SDK1: variants seen among roughly 807,000 people sequenced by gnomAD.
SDK1 encodes sidekick cell adhesion molecule 1, also known as protein sidekick-1.
A neutral mutation model predicts 245.5 loss-of-function variants in SDK1; 157 were observed. That is an observed-to-expected ratio of 0.64 (90% CI 0.56 to 0.73). The LOEUF is 0.73. Ranked by LOEUF, SDK1 falls within the 30% of genes least tolerant of loss-of-function variation. SDK1 has a pLI of 0.00. For synonymous variants in SDK1, 1,647 were observed against 1,278.5 expected, an observed-to-expected ratio of 1.29 and a Z score of -6.15; for missense variants, 3,583 against 3,002.3, an observed-to-expected ratio of 1.19 and a Z score of -4.52.
intron 5 of SDK1, among the ~76,000 whole-genome samples, chr7:3,880,739 G>A (rs988192432): frequency 3.3e-5 from 5 of 152,050 alleles, no homozygotes; most frequent in African/African-American, 1.2e-4. Flanking sequence ...TCACTTCACT[G>A]AAAGACAAAC....
chr7:3,303,905 G>C (rs575108575), intron 1 of SDK1, among the ~76,000 whole-genome samples: 1 of 152,258 alleles, frequency 6.6e-6, no homozygotes, highest in Non-Finnish European at 1.5e-5. Context: ...GCATTCTCTT[G>C]AATCTTATCA....
rs528789819 is a variant in SDK1, at chr7:3,848,994, C to T, written c.847+27411C>T. ...CTGGAGTTTTCTTTTCTAAATATGC[C>T]ACTTCTCTTCTTCCGGACCCCCTTG... is the stretch of plus-strand genomic sequence containing the variant. On this transcript the variant is annotated intron_variant, in intron 5 of 44. Transcript: ENST00000404826. 6.2e-4 allele frequency among the ~76,000 whole-genome samples: 94 copies of T among 152,260 alleles called. 1 individual carries two copies. The highest frequency in any genetic ancestry group is 2.2e-3 in the African/African-American group (91 of 41,570).
intron 14 of SDK1, among the ~76,000 whole-genome samples, chr7:3,996,943 TA>T (rs1164536248): frequency 6.6e-6 from 1 of 152,240 alleles, no homozygotes; most frequent in Non-Finnish European, 1.5e-5. Flanking sequence ...GATTGTTTTT[TA>T]TTGAGATATA....
At chr7:3,814,425 G>A (rs369077162) in intron 4 of SDK1, among the ~76,000 whole-genome samples, 1 of 150,690 alleles carries the variant, frequency 6.6e-6, no homozygotes, top group Non-Finnish European at 1.5e-5. Context: ...ATAGTTGTAG[G>A]TATGCGGCGT....
Position 4,046,053 on chromosome 7 carries a change from C to T in SDK1, c.2603-3295C>T, listed in dbSNP as rs574880468. Among the ~76,000 whole-genome samples, 7 of 151,978 alleles carry T rather than the reference C, an allele frequency of 4.6e-5. No homozygotes were observed. The South Asian group carries it at 8.3e-4, about 18-fold the overall frequency. On this transcript the variant is annotated intron_variant, in intron 17 of 44. Coordinates refer to ENST00000404826, the MANE Select transcript of SDK1 (RefSeq NM_152744.4). ...AAGGGATCCTCCTGCCTCAGCCTCC[C>T]GAGTAGCAGGGACTACAGGCATGCA... is the stretch of plus-strand genomic sequence containing the variant.
intron 4 of SDK1, among the ~76,000 whole-genome samples, chr7:3,765,042 A>C (rs549403071): frequency 6.6e-6 from 1 of 152,294 alleles, no homozygotes; most frequent in South Asian, 2.1e-4. Flanking sequence ...CATATATAAC[A>C]ACATAAAACA....
rs1170958207 is a variant in SDK1 at position 4,268,945 on chromosome 7, G to A, written c.*3561G>A. On this transcript the variant is annotated 3_prime_UTR_variant, in exon 45 of 45. Transcript: ENST00000404826. ...GAAAAAAAGAAACAACTTGTAGGAA[G>A]ACAGAGAGGTGCTATGGGTACAATT... 1 of 322,638 alleles carries A rather than the reference G, an allele frequency of 3.1e-6. No homozygotes were observed. The highest frequency in any genetic ancestry group is 6.2e-6 in the Non-Finnish European group (1 of 160,362). 20.0% of individuals were successfully genotyped at this position (322,638 alleles called of 1,614,324 possible).
At chr7:3,801,379 C>T (rs996171996) in intron 4 of SDK1, among the ~76,000 whole-genome samples, 4 of 152,108 alleles carry the variant, frequency 2.6e-5, no homozygotes, top group African/African-American at 7.2e-5. Context: ...GCATGAATTC[C>T]CTGTTTCATG....
chr7:3,302,732 A>G (rs980734072), intron 1 of SDK1, among the ~76,000 whole-genome samples: 10 of 152,112 alleles, frequency 6.6e-5, no homozygotes, highest in African/African-American at 2.2e-4. Flanking sequence ...AACTATTTTA[A>G]TACGTCCTTT....
chr7:3,432,131 A>ATG (rs1254817873), intron 1 of SDK1, among the ~76,000 whole-genome samples: 40 of 147,860 alleles, frequency 2.7e-4, no homozygotes, highest in African/African-American at 8.3e-4. Flanking sequence ...AAAAATATAT[A>ATG]TATGTATTTT....
intron 5 of SDK1, among the ~76,000 whole-genome samples, chr7:3,912,816 G>C (rs564466664): frequency 6.6e-6 from 1 of 152,306 alleles, no homozygotes; most frequent in East Asian, 1.9e-4. Flanking sequence ...AAGAAGACCC[G>C]ATTTCTTTAT....
At chr7:3,967,126 T>C (rs1424734494) in intron 9 of SDK1, among the ~76,000 whole-genome samples, 192 bp from the exon 10 acceptor site, 1 of 152,238 alleles carries the variant, frequency 6.6e-6, no homozygotes, top group Non-Finnish European at 1.5e-5. Context: ...CTCTCCAGGT[T>C]GTAAACAAAG....
intron 4 of SDK1, among the ~76,000 whole-genome samples, chr7:3,744,856 A>C (rs1397328331): frequency 6.6e-6 from 1 of 152,126 alleles, no homozygotes; most frequent in Non-Finnish European, 1.5e-5. Context: ...AAAGAAAAAC[A>C]ATTTAAAAAT....
intron 1 of SDK1, among the ~76,000 whole-genome samples, chr7:3,404,986 C>CA: frequency 6.6e-6 from 1 of 152,016 alleles, no homozygotes; most frequent in East Asian, 1.9e-4. Flanking sequence ...AGATTCTGAA[C>CA]AAAAACAAGT....
chr7:3,753,228 A>C (rs1202266656), intron 4 of SDK1, among the ~76,000 whole-genome samples: 2 of 152,230 alleles, frequency 1.3e-5, no homozygotes, highest in Non-Finnish European at 2.9e-5. Context: ...TGGAAATAAA[A>C]ATTATAAACC....
intron 4 of SDK1, among the ~76,000 whole-genome samples, chr7:3,645,080 C>A (rs934300006): frequency 6.6e-6 from 1 of 152,148 alleles, no homozygotes; most frequent in African/African-American, 2.4e-5. Context: ...TGTGTTCTCA[C>A]TATATGCATG....
At chr7:3,543,727 C>G (rs753186969) in intron 1 of SDK1, among the ~76,000 whole-genome samples, 2 of 152,176 alleles carry the variant, frequency 1.3e-5, no homozygotes, top group African/African-American at 2.4e-5. Context: ...ACCTGGACTT[C>G]ATGTTTACAG....
intron 1 of SDK1, among the ~76,000 whole-genome samples, chr7:3,303,899 T>G (rs1779347670): frequency 6.6e-6 from 1 of 152,182 alleles, no homozygotes; most frequent in African/African-American, 2.4e-5. Flanking sequence ...AGGAGTGCAT[T>G]CTCTTGAATC....
intron 4 of SDK1, among the ~76,000 whole-genome samples, chr7:3,789,492 G>C (rs923236629): frequency 6.6e-6 from 1 of 152,172 alleles, no homozygotes; most frequent in Non-Finnish European, 1.5e-5. Context: ...GTGTTCCTAA[G>C]CAACCCTTCT....
Sources: allele counts gnomAD v4.1 joint callset (sites outside exome capture counted in the v4.1 genomes callset), GRCh38; gene constraint gnomAD v4.1.1; transcripts MANE v1.5; gene names NCBI Gene and HGNC (gene_info 2026-07-23, HGNC 2026-07-21).